Variants in MRPS35 observed in about 807,000 individuals in gnomAD.
The protein encoded by MRPS35 is small ribosomal subunit protein mS35.
Under a neutral mutation model 32.7 loss-of-function variants are expected in MRPS35, and 29 were observed. The ratio of observed to expected loss-of-function variants is 0.89; its 90% confidence interval spans 0.66 to 1.21. The LOEUF is 1.21. Ranked by LOEUF, MRPS35 falls within the 50% of genes most tolerant of loss-of-function variation. The pLI, the probability that MRPS35 is intolerant of heterozygous loss-of-function variation, is 0.00. For synonymous variants in MRPS35, 148 were observed against 139.3 expected (o/e 1.06, Z -0.44); for missense variants, 373 against 383.8 (o/e 0.97, Z 0.23).
chr12:27,747,966 A>C (rs1400907193), intron 7 of MRPS35, among the ~76,000 whole-genome samples: 1 of 152,204 alleles, frequency 6.6e-6, no homozygotes, highest in Admixed American at 6.5e-5. Context: ...CAGCTGCCTG[A>C]TCTGTAAAAC....
In MRPS35 at chr12:27,733,034, A is replaced by ATCTATCTATCTATC. The variant is rs1433797132; in HGVS notation, c.523-2412_523-2411insCTATCTATCTATCT. On this transcript the variant is annotated intron_variant, in intron 5 of 7. Transcript: ENST00000081029. The stretch of plus-strand genomic sequence containing the variant: ...TATATATATATATATATATATATAT[A>ATCTATCTATCTATC]TATATATCCAGCACCTCCTGTGATT... Among the ~76,000 whole-genome samples, 17 of 62,060 alleles carry ATCTATCTATCTATC rather than the reference A, an allele frequency of 2.7e-4. No homozygotes were observed. In the East Asian group the frequency reaches 8.7e-3, roughly 32 times the overall value. 40.7% of individuals were successfully genotyped at this position (62,060 alleles called of 152,430 possible).
At chr12:27,743,643 C>T (rs190624359) in intron 7 of MRPS35, among the ~76,000 whole-genome samples, 224 of 152,344 alleles carry the variant, frequency 1.5e-3, no homozygotes, top group Non-Finnish European at 2.3e-3. Context: ...CTGAAGAACA[C>T]TCTAGTGGGA....
intron 5 of MRPS35, among the ~76,000 whole-genome samples, chr12:27,731,450 A>G (rs1407405054): frequency 1.3e-5 from 2 of 152,232 alleles, no homozygotes; most frequent in African/African-American, 4.8e-5. Flanking sequence ...ACTAGCAAAT[A>G]AACAATCTTT....
At chr12:27,741,631 G>A (rs985862338) in intron 7 of MRPS35, among the ~76,000 whole-genome samples, 2 of 152,100 alleles carry the variant, frequency 1.3e-5, no homozygotes, top group African/African-American at 4.8e-5. Flanking sequence ...CATAATTGAT[G>A]ATAACACAAC....
At chr12:27,714,918 T>A in intron 2 of MRPS35, 98 bp downstream of exon 2, 1 of 1,053,282 alleles carries the variant, frequency 9.5e-7, no homozygotes, top group Non-Finnish European at 1.4e-6. Flanking sequence ...CAGAGAAGAC[T>A]TCACAAGGTC....
At position 27,719,798 on chromosome 12, in the gene MRPS35, T is replaced by G; in HGVS notation, c.322-10T>G. 6.4e-7 allele frequency: 1 copy of G among 1,558,756 alleles called. No homozygotes were observed. The highest frequency in any genetic ancestry group is 8.8e-7 in the Non-Finnish European group (1 of 1,134,056). On this transcript the variant is annotated splice_polypyrimidine_tract_variant and intron_variant, in intron 3 of 7. Coordinates refer to ENST00000081029, the MANE Select transcript of MRPS35 (RefSeq NM_021821.4). ...TTAGCTAATTTATCTTTTAAATTTC[T>G]CTATTTAAGATTCCCAATTTTCTGC...
In MRPS35 at chr12:27,736,553, G is replaced by T. The variant is rs530786379; in HGVS notation, c.633-986G>T. The stretch of plus-strand genomic sequence containing the variant: ...GTGTTAGTGTATGGATATGTTTTAT[G>T]GTAACTATTTAGAGTAGAGGACTTA... On this transcript the variant is annotated intron_variant, in intron 6 of 7. Transcript: ENST00000081029. 8.6e-5 allele frequency among the ~76,000 whole-genome samples: 13 copies of T among 151,204 alleles called. No individual in the cohort carries two copies. In the East Asian group the frequency reaches 2.5e-3, roughly 29 times the overall value.
At chr12:27,730,235 A>G (rs2061916345) in intron 5 of MRPS35, among the ~76,000 whole-genome samples, 1 of 152,176 alleles carries the variant, frequency 6.6e-6, no homozygotes, top group African/African-American at 2.4e-5. Flanking sequence ...CAGTTTACAA[A>G]TCACATTTAG....
At chr12:27,749,131 A>G (rs2061991699) in intron 7 of MRPS35, among the ~76,000 whole-genome samples, 1 of 72,842 alleles carries the variant, frequency 1.4e-5, no homozygotes, top group African/African-American at 6.4e-5. Context: ...TAACAGAATT[A>G]TGGATGATTT....
chr12:27,728,750 G>C (rs140565434), intron 5 of MRPS35, among the ~76,000 whole-genome samples: 14 of 152,164 alleles, frequency 9.2e-5, no homozygotes, highest in African/African-American at 3.1e-4. Context: ...TAAAGAGACA[G>C]GGTATTTATC....
intron 5 of MRPS35, among the ~76,000 whole-genome samples, chr12:27,724,544 A>G (rs2061891949): frequency 6.6e-6 from 1 of 152,190 alleles, no homozygotes; most frequent in African/African-American, 2.4e-5. Flanking sequence ...GGAGTTCAAG[A>G]CCAGCCTGGC....
Position 27,737,577 on chromosome 12 carries a change from A to G in MRPS35, c.671A>G (p.Tyr224Cys). The change falls in exon 7 of 8, where the codon TAT (tyrosine) becomes TGT (cysteine). Residue 224 changes from tyrosine to cysteine, a missense_variant. Transcript: ENST00000081029. ...LRRQNYDYAVYLLTVLYHESW... is the reference protein window; with the variant it reads ...LRRQNYDYAVCLLTVLYHESW... ...AGGCAGAATTACGATTATGCAGTGTATCTACTAACAGTGTTATACCATGAG... is the reference window on the plus strand; with the variant it reads ...AGGCAGAATTACGATTATGCAGTGTGTCTACTAACAGTGTTATACCATGAG... 6.2e-7 allele frequency: 1 copy of G among 1,611,912 alleles called. No homozygotes were observed. Among genetic ancestry groups the G allele is most frequent in the Admixed American group, 1.7e-5 (1 of 59,994 alleles).
intron 3 of MRPS35, among the ~76,000 whole-genome samples, chr12:27,716,891 T>A (rs1232922350): frequency 4.0e-5 from 6 of 151,734 alleles, no homozygotes; most frequent in South Asian, 2.1e-4. Flanking sequence ...CTTGGGAGGC[T>A]GAGAAAGGAG....
At chr12:27,737,377 A>G (rs2061946562) in intron 6 of MRPS35, among the ~76,000 whole-genome samples, 162 bp from the exon 7 acceptor site, 1 of 152,266 alleles carries the variant, frequency 6.6e-6, no homozygotes, top group African/African-American at 2.4e-5. Flanking sequence ...TCCTCAAGTA[A>G]TGAACTACAA....
chr12:27,751,938 A>G (rs1010627561), intron 7 of MRPS35, among the ~76,000 whole-genome samples: 3 of 152,246 alleles, frequency 2.0e-5, no homozygotes, highest in Middle Eastern at 6.8e-3. Flanking sequence ...GTGATTACAC[A>G]CTTAGAAAAT....
chr12:27,731,564 A>G (rs2061922105), intron 5 of MRPS35, among the ~76,000 whole-genome samples: 1 of 151,832 alleles, frequency 6.6e-6, no homozygotes, highest in African/African-American at 2.4e-5. Context: ...TTTTTTCTTA[A>G]TTTAATATAA....
Position 27,714,528 on chromosome 12 carries a change from G to A in MRPS35, c.113-252G>A, listed in dbSNP as rs575491275. 2.0e-5 allele frequency among the ~76,000 whole-genome samples: 3 copies of A among 151,008 alleles called. No homozygotes were observed. The East Asian group carries it at 5.9e-4, about 30-fold the overall frequency. ...TTGAACTCCGGAGGTAGAGGTTGCA[G>A]TGAGCCGAGATCACACCACTGCAAT... On this transcript the variant is annotated intron_variant, in intron 1 of 7. Transcript: ENST00000081029.
intron 5 of MRPS35, among the ~76,000 whole-genome samples, chr12:27,728,053 G>T (rs185993907): frequency 6.6e-6 from 1 of 151,932 alleles, no homozygotes; most frequent in African/African-American, 2.4e-5. Context: ...TCCAATCCAC[G>T]GTTAGTTGAA....
chr12:27,716,609 T>G, intron 3 of MRPS35, 151 bp downstream of exon 3: 1 of 706,248 alleles, frequency 1.4e-6, no homozygotes, highest in Admixed American at 3.1e-5. Flanking sequence ...AATAGGTTTA[T>G]TATTATACAA....
Sources: allele counts gnomAD v4.1 joint callset (sites outside exome capture counted in the v4.1 genomes callset), GRCh38; gene constraint gnomAD v4.1.1; transcripts MANE v1.5; gene names NCBI Gene and HGNC (gene_info 2026-07-23, HGNC 2026-07-21).